RYR3: variants seen among roughly 807,000 people sequenced by gnomAD.
The protein encoded by RYR3 is brain ryanodine receptor-calcium release channel.
Under a neutral mutation model 584.3 loss-of-function variants are expected in RYR3, and 207 were observed. The ratio of observed to expected loss-of-function variants is 0.35; its 90% CI spans 0.32 to 0.40. The LOEUF (loss-of-function observed/expected upper bound fraction) is 0.40, where lower values mean the gene tolerates loss of function less well. Among genes scored for constraint, RYR3 ranks in the 10% least tolerant of loss-of-function variants. The pLI is 1.00. For synonymous variants in RYR3, 2,416 were observed against 2,248.5 expected, an observed-to-expected ratio of 1.07 and a Z score of -2.11; for missense variants, 5,616 against 6,089.2, an observed-to-expected ratio of 0.92 and a Z score of 2.59.
intron 60 of RYR3, 79 bp downstream of exon 60, chr15:33,757,675 CGAGT>C: frequency 1.3e-6 from 2 of 1,484,016 alleles, no homozygotes; most frequent in South Asian, 1.2e-5. Context: ...GACTAAAAGG[CGAGT>C]CTTTTGGAGA....
chr15:33,701,228 C>A, intron 42 of RYR3, 148 bp downstream of exon 42: 2 of 585,768 alleles, frequency 3.4e-6, no homozygotes, highest in South Asian at 4.6e-5. Context: ...TGTGAGTAAC[C>A]GGTAGCAGCA....
At chr15:33,647,331 A>C (rs2152679322) in intron 29 of RYR3, 93 bp from the exon 30 acceptor site, 1 of 979,366 alleles carries the variant, frequency 1.0e-6, no homozygotes, top group Non-Finnish European at 1.6e-6. Flanking sequence ...CCTAAACTTG[A>C]CTTGATCATT....
chr15:33,322,436 A>T (rs1238520689), intron 1 of RYR3, among the ~76,000 whole-genome samples: 2 of 152,144 alleles, frequency 1.3e-5, no homozygotes, highest in African/African-American at 2.4e-5. Context: ...TGAGGACAGC[A>T]CCAAGACATG....
At chr15:33,681,526 A>C (rs1323890265) in intron 38 of RYR3, among the ~76,000 whole-genome samples, 1 of 152,166 alleles carries the variant, frequency 6.6e-6, no homozygotes, top group Non-Finnish European at 1.5e-5. Flanking sequence ...AGTTGGAGGG[A>C]CATTATTTAG....
At chr15:33,347,829 T>C (rs963356629) in intron 1 of RYR3, among the ~76,000 whole-genome samples, 1 of 152,154 alleles carries the variant, frequency 6.6e-6, no homozygotes, top group Non-Finnish European at 1.5e-5. Context: ...GCTCATCTTG[T>C]ATATTTTCTG....
intron 3 of RYR3, among the ~76,000 whole-genome samples, chr15:33,511,021 A>G: frequency 6.6e-6 from 1 of 152,196 alleles, no homozygotes; most frequent in East Asian, 1.9e-4. Context: ...ATGGTAAGAA[A>G]GCACCTTTCT....
intron 1 of RYR3, among the ~76,000 whole-genome samples, chr15:33,327,085 G>A (rs1007707565): frequency 5.3e-5 from 8 of 152,068 alleles, no homozygotes; most frequent in African/African-American, 1.4e-4. Flanking sequence ...TGTTACATCT[G>A]TAATTTTCTT....
At chr15:33,558,158 A>T (rs2057192325) in intron 10 of RYR3, among the ~76,000 whole-genome samples, 1 of 152,116 alleles carries the variant, frequency 6.6e-6, no homozygotes, top group Admixed American at 6.5e-5. Context: ...CAGGTTTGTT[A>T]CATATGTATA....
rs750213801 is a variant in RYR3, at chr15:33,628,617, C to T, written c.2679+42C>T. The T allele has an allele frequency of 4.0e-6, 5 of 1,264,856 alleles. No individual in the cohort carries two copies. In the Admixed American group the frequency reaches 5.1e-5, roughly 13 times the overall value. The allele number at this position is 1,264,856 out of a possible 1,614,324, so 78.4% of individuals were successfully genotyped here. On this transcript the variant is annotated intron_variant, in intron 21 of 103. Coordinates refer to ENST00000634891, the MANE Select transcript of RYR3 (RefSeq NM_001036.6). Reference sequence around the variant, plus strand: ...CAGGTTAGGGTGGAGGGTGGGATTGCCTTGTTGCCTGGAACTGTTCTTCCT... The same window carrying T: ...CAGGTTAGGGTGGAGGGTGGGATTGTCTTGTTGCCTGGAACTGTTCTTCCT...
chr15:33,585,499 C>A (rs1252057826), intron 15 of RYR3, among the ~76,000 whole-genome samples: 1 of 152,084 alleles, frequency 6.6e-6, no homozygotes, highest in Non-Finnish European at 1.5e-5. Context: ...TGTGAGCTTA[C>A]AATTTGTTTG....
chr15:33,619,896 T>TGC (rs2060631695), intron 19 of RYR3, among the ~76,000 whole-genome samples: 1 of 152,174 alleles, frequency 6.6e-6, no homozygotes, highest in African/African-American at 2.4e-5. Flanking sequence ...AGTTGCTGCC[T>TGC]CTTTCTTTTC....
chr15:33,604,643 G>A (rs1595796808), intron 18 of RYR3, among the ~76,000 whole-genome samples: 2 of 152,114 alleles, frequency 1.3e-5, no homozygotes, highest in Non-Finnish European at 2.9e-5. Flanking sequence ...AGGATGATGG[G>A]GTCATGTGAA....
intron 89 of RYR3, among the ~76,000 whole-genome samples, chr15:33,839,978 T>C (rs1408893125): frequency 2.6e-5 from 4 of 152,168 alleles, no homozygotes; most frequent in Non-Finnish European, 5.9e-5. Context: ...CAGGAATACA[T>C]AGGTTCAAAG....
intron 18 of RYR3, among the ~76,000 whole-genome samples, chr15:33,607,599 A>G (rs1276287427): frequency 6.6e-6 from 1 of 152,238 alleles, no homozygotes; most frequent in Non-Finnish European, 1.5e-5. Context: ...AAAAGGGTCA[A>G]ATACATTAAA....
At chr15:33,768,550 C>A in intron 60 of RYR3, 108 bp from the exon 61 acceptor site, 1 of 931,912 alleles carries the variant, frequency 1.1e-6, no homozygotes, top group Non-Finnish European at 1.8e-6. Flanking sequence ...CCTAGAATGC[C>A]ACTCTGTGCT....
At chr15:33,414,813 T>C (rs887141340) in intron 1 of RYR3, among the ~76,000 whole-genome samples, 2 of 152,114 alleles carry the variant, frequency 1.3e-5, no homozygotes, top group Non-Finnish European at 2.9e-5. Flanking sequence ...AGGATGGTCT[T>C]GATCTCCTGG....
intron 16 of RYR3, among the ~76,000 whole-genome samples, chr15:33,598,913 G>C (rs570028134): frequency 6.6e-5 from 10 of 152,294 alleles, no homozygotes; most frequent in African/African-American, 2.4e-4. Flanking sequence ...AAATTAGCCA[G>C]GCGTGGTGGC....
In RYR3 at chr15:33,566,756, C is replaced by T. The variant is rs1450007550; in HGVS notation, c.1225C>T (p.Arg409Trp). The T allele has an allele frequency of 2.5e-6, 4 of 1,613,702 alleles. No individual in the cohort carries two copies. Among genetic ancestry groups the T allele is most frequent in the East Asian group, 2.2e-5 (1 of 44,872 alleles). ...CCAGCGTGAGGAGTCCCAGGCTGCT[C>T]GGATCATCCGGAACACTACAGCCTT... The part of the protein sequence containing the change: ...RCQREESQAA[R>W]IIRNTTALFS... The change falls in exon 12 of 104, where the codon CGG (arginine) becomes TGG (tryptophan). Residue 409 changes from arginine (R) to tryptophan (W), a missense_variant. Arg to Trp is a moderately radical substitution (Grantham distance 101). Coordinates refer to ENST00000634891, the MANE Select transcript of RYR3 (RefSeq NM_001036.6).
chr15:33,341,290 C>T (rs1971787318), intron 1 of RYR3, among the ~76,000 whole-genome samples: 1 of 152,074 alleles, frequency 6.6e-6, no homozygotes, highest in Non-Finnish European at 1.5e-5. Flanking sequence ...CCACCCGCGT[C>T]AGCCTCCCAA....
Sources: allele counts gnomAD v4.1 joint callset (sites outside exome capture counted in the v4.1 genomes callset), GRCh38; gene constraint gnomAD v4.1.1; transcripts MANE v1.5; gene names NCBI Gene and HGNC (gene_info 2026-07-23, HGNC 2026-07-21).